GABPB2: variants seen among roughly 807,000 people sequenced by gnomAD.
The protein encoded by GABPB2 is GA-binding protein subunit beta-2.
GABPB2 carries 23 observed loss-of-function variants against 39.1 expected under a neutral mutation model. That is an observed-to-expected ratio of 0.59 (90% CI 0.42 to 0.83). The LOEUF (loss-of-function observed/expected upper bound fraction) is 0.83, where lower values mean the gene tolerates loss of function less well. Ranked by LOEUF, GABPB2 falls within the 40% of genes least tolerant of loss-of-function variation. The probability of loss-of-function intolerance (pLI) is 0.00; values close to 1 mark genes in which losing one functional copy is unlikely to be tolerated. For synonymous variants in GABPB2, 184 were observed against 199.3 expected, an observed-to-expected ratio of 0.92 and a Z score of 0.65; for missense variants, 467 against 541.1, an observed-to-expected ratio of 0.86 and a Z score of 1.36.
intron 1 of GABPB2, among the ~76,000 whole-genome samples, chr1:151,075,858 T>C (rs1677132018): frequency 1.3e-5 from 2 of 152,142 alleles, no homozygotes; most frequent in African/African-American, 2.4e-5. Flanking sequence ...CCTCTGACAT[T>C]TCTCCCATCC....
At chr1:151,080,945 T>C (rs1283324531) in intron 1 of GABPB2, among the ~76,000 whole-genome samples, 1 of 145,710 alleles carries the variant, frequency 6.9e-6, no homozygotes, top group Non-Finnish European at 1.5e-5. Flanking sequence ...CAATCTCGGC[T>C]CACTGCAACC....
intron 7 of GABPB2, among the ~76,000 whole-genome samples, chr1:151,111,507 C>T (rs911113794): frequency 6.6e-5 from 10 of 151,844 alleles, no homozygotes; most frequent in African/African-American, 1.9e-4. Context: ...ACCGCAAGCT[C>T]CACCTCCCGG....
At chr1:151,078,835 G>A (rs992245265) in intron 1 of GABPB2, among the ~76,000 whole-genome samples, 1 of 151,574 alleles carries the variant, frequency 6.6e-6, no homozygotes, top group Non-Finnish European at 1.5e-5. Flanking sequence ...AGGCGGGGTA[G>A]TAAAATTTTG....
At chr1:151,092,059 C>T (rs2101496241) in intron 3 of GABPB2, among the ~76,000 whole-genome samples, 1 of 149,748 alleles carries the variant, frequency 6.7e-6, no homozygotes, top group East Asian at 2.0e-4. Flanking sequence ...AGCCTCCCAA[C>T]ACTGACAGGT....
chr1:151,097,790 A>T, intron 4 of GABPB2, 62 bp from the exon 5 acceptor site: 1 of 1,432,558 alleles, frequency 7.0e-7, no homozygotes, highest in Non-Finnish European at 9.6e-7. Flanking sequence ...AAAAAAAAAA[A>T]GAAAGACAGA....
At chr1:151,082,048 A>G (rs919335947) in intron 1 of GABPB2, among the ~76,000 whole-genome samples, 2 of 152,034 alleles carry the variant, frequency 1.3e-5, no homozygotes, top group Non-Finnish European at 2.9e-5. Flanking sequence ...ATACTGCACA[A>G]AAACTTGACA....
Position 151,074,642 on chromosome 1 carries a change from G to A in GABPB2, c.-1+3708G>A, listed in dbSNP as rs587687330. Among the ~76,000 whole-genome samples, 6 of 152,122 alleles carry A rather than the reference G, an allele frequency of 3.9e-5. No homozygotes were observed. The East Asian group carries it at 1.2e-3, about 29-fold the overall frequency. On this transcript the variant is annotated intron_variant, in intron 1 of 8. Transcript: ENST00000368918. ...CAGCCTCCTCTTTTTAGACCATATA[G>A]GGTAACTTCCTGACATTGCCATGGC... is the stretch of plus-strand genomic sequence containing the variant.
At chr1:151,077,866 C>G (rs587631129) in intron 1 of GABPB2, among the ~76,000 whole-genome samples, 6 of 151,854 alleles carry the variant, frequency 4.0e-5, no homozygotes, top group African/African-American at 1.2e-4. Context: ...ACAGGAGAAT[C>G]GCTTGAACCC....
intron 2 of GABPB2, among the ~76,000 whole-genome samples, chr1:151,088,942 G>A (rs2101482992): frequency 6.6e-6 from 1 of 152,030 alleles, no homozygotes; most frequent in South Asian, 2.1e-4. Context: ...GGAGGTTGCA[G>A]TGAGCGGAGA....
In GABPB2 at chr1:151,116,413, A is replaced by AC. The variant is rs985406260; in HGVS notation, c.923-979_923-978insC. Among the ~76,000 whole-genome samples the AC allele has an allele frequency of 1.5e-4, 23 of 151,770 alleles. No individual in the cohort carries two copies. The East Asian group carries it at 3.7e-3, about 24-fold the overall frequency. On this transcript the variant is annotated intron_variant, in intron 7 of 8. Transcript: ENST00000368918. ...CAAAATTCCATCTCAAAAAAAAAAA[A>AC]AAAACAACTTTTAGCCATTCTGACA...
intron 1 of GABPB2, among the ~76,000 whole-genome samples, chr1:151,071,534 C>T (rs1676721726): frequency 6.8e-6 from 1 of 147,056 alleles, no homozygotes; most frequent in Non-Finnish European, 1.5e-5. Flanking sequence ...CTCACTGCAA[C>T]CTGCAGCTCA....
intron 7 of GABPB2, among the ~76,000 whole-genome samples, chr1:151,108,556 C>T (rs1289416005): frequency 5.9e-5 from 9 of 151,798 alleles, no homozygotes; most frequent in African/African-American, 9.7e-5. Context: ...GGCTTGTGTG[C>T]GGTGGTGCAA....
At chr1:151,075,722 C>CA (rs200994503) in intron 1 of GABPB2, among the ~76,000 whole-genome samples, 21,120 of 144,300 alleles carry the variant, frequency 0.15, 2,106 homozygotes, top group East Asian at 0.48. Context: ...AAAACCCCCC[C>CA]CAAAAAAACC....
chr1:151,105,623 C>T (rs1312674333), intron 6 of GABPB2, among the ~76,000 whole-genome samples: 1 of 151,870 alleles, frequency 6.6e-6, no homozygotes, highest in Non-Finnish European at 1.5e-5. Context: ...AAGTGATCCT[C>T]CCACATCAGC....
At chr1:151,112,676 G>T in intron 7 of GABPB2, 2 of 208,516 alleles carry the variant, frequency 9.6e-6, no homozygotes, top group South Asian at 1.7e-4. Flanking sequence ...ACAAGAGCAA[G>T]AACCCTGGCC....
In GABPB2 at chr1:151,125,379, A is replaced by G. The variant is rs1681336202; in HGVS notation, c.*7123A>G. ...TACAGCGTATTTTTAGAAAAACTTAAATATACTTCTTTATTTAGGGTTTTA... is the reference window on the plus strand; with the variant it reads ...TACAGCGTATTTTTAGAAAAACTTAGATATACTTCTTTATTTAGGGTTTTA... On this transcript the variant is annotated 3_prime_UTR_variant, in exon 9 of 9. Transcript: ENST00000368918. The G allele has an allele frequency of 6.6e-6, 1 of 152,112 alleles. No individual in the cohort carries two copies. The highest frequency in any genetic ancestry group is 6.6e-5 in the Admixed American group (1 of 15,244). 9.4% of individuals were successfully genotyped at this position (152,112 alleles called of 1,614,324 possible).
intron 7 of GABPB2, 65 bp from the exon 8 acceptor site, chr1:151,117,322 TAAAAG>T: frequency 6.6e-7 from 1 of 1,521,306 alleles, no homozygotes; most frequent in Non-Finnish European, 9.0e-7. Context: ...ATTTTCTAAT[TAAAAG>T]CAAGCAAAAC....
At chr1:151,106,160 C>T (rs1391551685) in intron 6 of GABPB2, among the ~76,000 whole-genome samples, 1 of 151,742 alleles carries the variant, frequency 6.6e-6, no homozygotes, top group African/African-American at 2.4e-5. Flanking sequence ...TGGGGTTTCA[C>T]CATGTTGGCC....
intron 7 of GABPB2, among the ~76,000 whole-genome samples, chr1:151,110,147 T>C (rs1680308396): frequency 6.7e-6 from 1 of 149,598 alleles, no homozygotes; most frequent in South Asian, 2.1e-4. Context: ...CAGGTGTGAG[T>C]CACGACCCCT....
Sources: allele counts gnomAD v4.1 joint callset (sites outside exome capture counted in the v4.1 genomes callset), GRCh38; gene constraint gnomAD v4.1.1; transcripts MANE v1.5; gene names NCBI Gene and HGNC (gene_info 2026-07-23, HGNC 2026-07-21).